Variants in LDLRAD3 observed in about 807,000 individuals in gnomAD.
The protein encoded by LDLRAD3 is low density lipoprotein receptor class A domain containing 3, also known as low-density lipoprotein receptor class A domain-containing protein 3.
A neutral mutation model predicts 29.4 loss-of-function variants in LDLRAD3; 20 were observed. The ratio of observed to expected loss-of-function variants is 0.68; its 90% CI spans 0.48 to 0.99. LDLRAD3 has a LOEUF of 0.99. Ranked by LOEUF, LDLRAD3 falls within the 50% of genes least tolerant of loss-of-function variation. LDLRAD3 has a pLI of 0.00. For synonymous variants in LDLRAD3, 157 were observed against 192.7 expected (o/e 0.81, Z 1.53); for missense variants, 420 against 454.3 (o/e 0.92, Z 0.69).
intron 2 of LDLRAD3, among the ~76,000 whole-genome samples, chr11:36,048,184 A>G (rs1012162974): frequency 6.6e-6 from 1 of 152,188 alleles, no homozygotes; most frequent in Non-Finnish European, 1.5e-5. Flanking sequence ...CTAACAGGTG[A>G]CAGTTCTGTT....
At chr11:35,960,684 G>C (rs570459719) in intron 1 of LDLRAD3, among the ~76,000 whole-genome samples, 1 of 152,216 alleles carries the variant, frequency 6.6e-6, no homozygotes, top group East Asian at 1.9e-4. Context: ...GCAACCCCCC[G>C]CCTGTTGGGT....
In LDLRAD3 at chr11:36,229,224, G is replaced by A. The variant is rs148471178; in HGVS notation, c.865G>A (p.Asp289Asn). Residue 289 changes from aspartate (D) to asparagine (N), a missense_variant, in exon 6 of 6, where the codon GAC (aspartate) becomes AAC (asparagine). Coordinates refer to ENST00000315571, the MANE Select transcript of LDLRAD3 (RefSeq NM_174902.4). Reference sequence around the variant, plus strand: ...TGACACGGAATCTCTGAACCAAGCCGACCTGCCCCCCTACCGCTCCCGGTC... The same window carrying A: ...TGACACGGAATCTCTGAACCAAGCCAACCTGCCCCCCTACCGCTCCCGGTC... Reference protein sequence around the residue: ...SSDTESLNQADLPPYRSRSGS... With the variant: ...SSDTESLNQANLPPYRSRSGS... 23 of 1,613,620 alleles carry A rather than the reference G, an allele frequency of 1.4e-5. No homozygotes were observed. The highest frequency in any genetic ancestry group is 7.7e-5 in the South Asian group (7 of 91,044).
intron 2 of LDLRAD3, among the ~76,000 whole-genome samples, chr11:36,046,083 G>A (rs1852446575): frequency 6.6e-6 from 1 of 152,020 alleles, no homozygotes; most frequent in Non-Finnish European, 1.5e-5. Flanking sequence ...CTGTTCCTGT[G>A]TTAGTTTGCT....
chr11:36,198,354 T>C (rs1855065647), intron 4 of LDLRAD3, among the ~76,000 whole-genome samples: 1 of 148,622 alleles, frequency 6.7e-6, no homozygotes, highest in Non-Finnish European at 1.5e-5. Flanking sequence ...CTCTACACCT[T>C]CTTTATGAAT....
At chr11:35,977,248 A>G (rs906643712) in intron 1 of LDLRAD3, among the ~76,000 whole-genome samples, 21 of 152,134 alleles carry the variant, frequency 1.4e-4, no homozygotes, top group Non-Finnish European at 2.9e-5. Context: ...CAGTTGGAGG[A>G]AGGCAGAAGG....
chr11:36,162,540 C>G (rs1368675596), intron 4 of LDLRAD3, among the ~76,000 whole-genome samples: 1 of 152,178 alleles, frequency 6.6e-6, no homozygotes, highest in African/African-American at 2.4e-5. Flanking sequence ...GTGCCCTGGG[C>G]TTTGAGTGCA....
At chr11:36,015,139 G>C (rs1852004668) in intron 1 of LDLRAD3, among the ~76,000 whole-genome samples, 1 of 152,268 alleles carries the variant, frequency 6.6e-6, no homozygotes, top group African/African-American at 2.4e-5. Flanking sequence ...CCGAGCTTCA[G>C]TAGATGCCAC....
intron 1 of LDLRAD3, among the ~76,000 whole-genome samples, chr11:35,977,610 A>G (rs888348316): frequency 3.9e-5 from 6 of 152,278 alleles, no homozygotes; most frequent in Middle Eastern, 3.4e-3. Flanking sequence ...GAGAGGCCCA[A>G]TGAGACGCCC....
At chr11:36,215,738 C>A (rs1386798103) in intron 4 of LDLRAD3, among the ~76,000 whole-genome samples, 18 of 152,104 alleles carry the variant, frequency 1.2e-4, no homozygotes, top group African/African-American at 4.3e-4. Context: ...ATAAAGCTCC[C>A]CCTTGGGAGC....
chr11:36,143,965 C>T (rs1854128206), intron 4 of LDLRAD3, among the ~76,000 whole-genome samples: 1 of 141,096 alleles, frequency 7.1e-6, no homozygotes. Flanking sequence ...GCCACGGTCT[C>T]CCTCTGATGC....
chr11:36,162,088 CA>C (rs1487388029), intron 4 of LDLRAD3, among the ~76,000 whole-genome samples: 1 of 152,110 alleles, frequency 6.6e-6, no homozygotes, highest in Non-Finnish European at 1.5e-5. Flanking sequence ...ATTTTGGAAG[CA>C]AAATTGGTGT....
intron 4 of LDLRAD3, among the ~76,000 whole-genome samples, chr11:36,118,819 C>T (rs920946578): frequency 2.0e-5 from 3 of 152,044 alleles, no homozygotes; most frequent in Non-Finnish European, 4.4e-5. Context: ...CCCCCATACC[C>T]ACACACAGTC....
At chr11:36,013,244 G>A (rs1851976931) in intron 1 of LDLRAD3, among the ~76,000 whole-genome samples, 1 of 152,164 alleles carries the variant, frequency 6.6e-6, no homozygotes, top group South Asian at 2.1e-4. Context: ...TAGCCTCTCA[G>A]CAGTTTGCTG....
At chr11:36,105,236 T>TGAGAGAGA (rs1392436661) in intron 4 of LDLRAD3, among the ~76,000 whole-genome samples, 1 of 135,054 alleles carries the variant, frequency 7.4e-6, no homozygotes, top group Non-Finnish European at 1.6e-5. Context: ...TGTGTGTGTG[T>TGAGAGAGA]GTGAGAGAGA....
chr11:36,014,291 CAGAT>C (rs745922115), intron 1 of LDLRAD3, among the ~76,000 whole-genome samples: 2 of 152,296 alleles, frequency 1.3e-5, no homozygotes, highest in East Asian at 1.9e-4. Flanking sequence ...GAGAGACAGA[CAGAT>C]AGACAGAGAG....
intron 4 of LDLRAD3, among the ~76,000 whole-genome samples, chr11:36,113,387 T>C (rs1204784451): frequency 6.6e-6 from 1 of 151,812 alleles, no homozygotes; most frequent in Non-Finnish European, 1.5e-5. Flanking sequence ...GTGGTTACTA[T>C]TTCTGAGACA....
At chr11:36,053,970 G>C (rs777450443) in intron 2 of LDLRAD3, among the ~76,000 whole-genome samples, 1 of 152,194 alleles carries the variant, frequency 6.6e-6, no homozygotes, top group Non-Finnish European at 1.5e-5. Context: ...CCTTTGCCCT[G>C]TAGGGTATAT....
chr11:36,034,575 A>G (rs1163057967), intron 1 of LDLRAD3, among the ~76,000 whole-genome samples: 8 of 152,206 alleles, frequency 5.3e-5, no homozygotes, highest in African/African-American at 1.9e-4. Context: ...AATTCTGTAT[A>G]ATGCAGCAGA....
intron 4 of LDLRAD3, among the ~76,000 whole-genome samples, chr11:36,149,624 T>C (rs2133326074): frequency 6.6e-6 from 1 of 152,326 alleles, no homozygotes; most frequent in South Asian, 2.1e-4. Context: ...GCTGTGAGTC[T>C]GCTTCTGGGC....
Sources: gnomAD v4.1 joint callset for allele counts (sites outside exome capture counted in the v4.1 genomes callset) on GRCh38, gnomAD v4.1.1 for gene constraint, MANE v1.5 for transcripts, NCBI Gene and HGNC (gene_info 2026-07-23, HGNC 2026-07-21) for gene names.